Variants in HIVEP3 observed in about 807,000 individuals in gnomAD.
HIVEP3 encodes HIVEP zinc finger 3, also known as transcription factor HIVEP3.
In HIVEP3, 49 loss-of-function variants were observed where a neutral mutation model predicts 152.8. That is an observed-to-expected ratio of 0.32 (90% CI 0.26 to 0.41). HIVEP3 has a LOEUF of 0.41. HIVEP3 is among the 10% of genes least tolerant of loss of function. HIVEP3 has a pLI of 1.00. For missense variants in HIVEP3, 2,790 were observed against 3,103.3 expected, an observed-to-expected ratio of 0.90 and a Z score of 2.40; for synonymous variants, 1,269 against 1,289.0, an observed-to-expected ratio of 0.98 and a Z score of 0.33.
intron 2 of HIVEP3, among the ~76,000 whole-genome samples, chr1:41,693,804 G>A (rs538770312): frequency 1.3e-5 from 2 of 152,166 alleles, no homozygotes; most frequent in East Asian, 3.9e-4. Context: ...AATTTATTTT[G>A]GTGTAGGAAC....
At chr1:41,822,823 T>C (rs149058913) in intron 1 of HIVEP3, among the ~76,000 whole-genome samples, 2,497 of 152,336 alleles carry the variant, frequency 0.016, 38 homozygotes, top group Non-Finnish European at 0.021. Flanking sequence ...AAATGGCTGT[T>C]GACAGCTGCA....
At chr1:41,612,923 G>A (rs1375945654) in intron 3 of HIVEP3, among the ~76,000 whole-genome samples, 1 of 152,214 alleles carries the variant, frequency 6.6e-6, no homozygotes, top group Non-Finnish European at 1.5e-5. Flanking sequence ...CATGTTTCTT[G>A]TTTGCCACAC....
chr1:41,712,460 C>T (rs764664114), intron 1 of HIVEP3, among the ~76,000 whole-genome samples: 94 of 152,220 alleles, frequency 6.2e-4, no homozygotes, highest in Admixed American at 9.2e-4. Flanking sequence ...AATGTAACAT[C>T]AGGGTGTGTA....
intron 2 of HIVEP3, among the ~76,000 whole-genome samples, chr1:41,690,198 A>G (rs1646175591): frequency 1.3e-5 from 2 of 152,224 alleles, no homozygotes; most frequent in African/African-American, 4.8e-5. Flanking sequence ...TAAAGTTCCA[A>G]AACAGAGAGG....
intron 1 of HIVEP3, among the ~76,000 whole-genome samples, chr1:41,930,367 A>G (rs1644990311): frequency 6.6e-6 from 1 of 152,208 alleles, no homozygotes; most frequent in Non-Finnish European, 1.5e-5. Flanking sequence ...ATCCTATGGA[A>G]TAGTAAAATA....
intron 1 of HIVEP3, among the ~76,000 whole-genome samples, chr1:41,967,316 C>T (rs574238579): frequency 1.1e-3 from 172 of 152,274 alleles, no homozygotes; most frequent in Non-Finnish European, 1.9e-3. Context: ...CACTCCTCAG[C>T]AAATGCAAAA....
chr1:41,801,021 T>C (rs960999587), intron 1 of HIVEP3, among the ~76,000 whole-genome samples: 10 of 152,174 alleles, frequency 6.6e-5, no homozygotes, highest in African/African-American at 2.4e-4. Context: ...CACAAGGAGC[T>C]ACAATTACTA....
chr1:41,921,593 T>C (rs1228138573), upstream of HIVEP3, among the ~76,000 whole-genome samples: 1 of 152,208 alleles, frequency 6.6e-6, no homozygotes, highest in Non-Finnish European at 1.5e-5. Context: ...GTCTCAGGTA[T>C]GTCTTTATTA....
intron 1 of HIVEP3, among the ~76,000 whole-genome samples, chr1:41,742,017 A>T (rs1283938724): frequency 6.6e-6 from 1 of 152,232 alleles, no homozygotes; most frequent in East Asian, 1.9e-4. Flanking sequence ...TGGCAAGATA[A>T]TGCTTTTTAG....
At chr1:41,651,663 C>T (rs1306439901) in intron 2 of HIVEP3, among the ~76,000 whole-genome samples, 10 of 152,198 alleles carry the variant, frequency 6.6e-5, no homozygotes, top group Admixed American at 6.5e-4. Context: ...GGAACCAATT[C>T]CCCATGGATA....
chr1:41,714,796 G>T (rs1646565343), intron 1 of HIVEP3, among the ~76,000 whole-genome samples: 1 of 152,202 alleles, frequency 6.6e-6, no homozygotes, highest in Non-Finnish European at 1.5e-5. Flanking sequence ...AGTTGCTATG[G>T]TAACAGAGGG....
chr1:41,541,025 G>T (rs1242493144), intron 5 of HIVEP3, among the ~76,000 whole-genome samples: 1 of 152,176 alleles, frequency 6.6e-6, no homozygotes, highest in Non-Finnish European at 1.5e-5. Context: ...GTGTGGTCAC[G>T]GCTCAGAGGA....
chr1:41,929,558 C>T (rs1570819102), intron 1 of HIVEP3, among the ~76,000 whole-genome samples: 1 of 151,686 alleles, frequency 6.6e-6, no homozygotes, highest in Non-Finnish European at 1.5e-5. Context: ...GATTGGGGAA[C>T]CTGATGTGCT....
chr1:41,896,084 G>C (rs1471933155), intron 1 of HIVEP3, among the ~76,000 whole-genome samples: 1 of 152,134 alleles, frequency 6.6e-6, no homozygotes, highest in South Asian at 2.1e-4. Flanking sequence ...AGTGGTGGAG[G>C]GGGTACTTCT....
chr1:42,016,533 T>C (rs558873618), intron 1 of HIVEP3, among the ~76,000 whole-genome samples: 2 of 152,288 alleles, frequency 1.3e-5, no homozygotes, highest in South Asian at 2.1e-4. Flanking sequence ...CATTTTGGTA[T>C]AGTTCCTACT....
rs61628738 is a variant in HIVEP3, at chr1:41,723,479, T to TAC, written c.-800-22486_-800-22485dup. Among the ~76,000 whole-genome samples, 288 of 118,872 alleles carry TAC rather than the reference T, an allele frequency of 2.4e-3. 1 individual carries two copies. The highest frequency in any genetic ancestry group is 8.6e-3 in the African/African-American group (164 of 19,034). The allele number at this position is 118,872 out of a possible 152,430, so 78.0% of individuals were successfully genotyped here. A position where few individuals can be genotyped will look rare whatever the true frequency, so the allele number is the denominator to read the frequency against. ...AAAATGCACCCATACCATAAAATCA[T>TAC]ACACACACACACACACAGCCACCAC... On this transcript the variant is annotated intron_variant, in intron 1 of 8. Transcript: ENST00000372583.
At chr1:41,572,025 G>T (rs1386723524) in intron 5 of HIVEP3, among the ~76,000 whole-genome samples, 1 of 152,188 alleles carries the variant, frequency 6.6e-6, no homozygotes, top group African/African-American at 2.4e-5. Context: ...AACTGGAAAG[G>T]GGGAGAAGGC....
At chr1:41,993,584 C>G (rs1033668893) in intron 1 of HIVEP3, among the ~76,000 whole-genome samples, 9 of 152,194 alleles carry the variant, frequency 5.9e-5, no homozygotes, top group African/African-American at 1.2e-4. Flanking sequence ...TTGTGGAATT[C>G]AGTGCGGCGA....
At chr1:41,980,813 G>A (rs939973835) in intron 1 of HIVEP3, among the ~76,000 whole-genome samples, 1 of 152,164 alleles carries the variant, frequency 6.6e-6, no homozygotes, top group Non-Finnish European at 1.5e-5. Flanking sequence ...ACATGTCAGC[G>A]ACAAGAAGTA....
Sources: gnomAD v4.1 joint callset for allele counts (sites outside exome capture counted in the v4.1 genomes callset) on GRCh38, gnomAD v4.1.1 for gene constraint, MANE v1.5 for transcripts, NCBI Gene and HGNC (gene_info 2026-07-23, HGNC 2026-07-21) for gene names.